ZPBP2: variants seen among roughly 807,000 people sequenced by gnomAD.
ZPBP2 encodes the protein zona pellucida binding protein 2.
Under a neutral mutation model 37.5 loss-of-function variants are expected in ZPBP2, and 34 were observed. The ratio of observed to expected loss-of-function variants is 0.91; its 90% CI spans 0.69 to 1.21. The LOEUF is 1.21. Among genes scored for constraint, ZPBP2 ranks in the 50% most tolerant of loss-of-function variants. ZPBP2 has a pLI of 0.00. For missense variants in ZPBP2, 397 were observed against 413.5 expected (o/e 0.96, Z 0.35); for synonymous variants, 143 against 138.4 (o/e 1.03, Z -0.23).
chr17:39,868,251 G>C lies in ZPBP2; in HGVS notation c.-104G>C, dbSNP rs1279312837. 1.5e-6 allele frequency: 2 copies of C among 1,338,634 alleles called. No homozygotes were observed. Among genetic ancestry groups the C allele is most frequent in the Admixed American group, 2.1e-5 (1 of 48,442 alleles). The allele number at this position is 1,338,634 out of a possible 1,614,324, so 82.9% of individuals were successfully genotyped here. A position where few individuals can be genotyped will look rare whatever the true frequency, so the allele number is the denominator to read the frequency against. ...CGGACGGGTAGGGGAGGCGACCCCG[G>C]CGTTCTGCTCCGCACTGTGGAGGAG... On this transcript the variant is annotated 5_prime_UTR_variant, in exon 1 of 8. Coordinates refer to ENST00000348931, the MANE Select transcript of ZPBP2 (RefSeq NM_199321.3).
intron 7 of ZPBP2, 149 bp downstream of exon 7, chr17:39,875,583 C>A: frequency 1.7e-5 from 11 of 638,716 alleles, no homozygotes; most frequent in South Asian, 5.6e-5. Context: ...AGTAAAAATT[C>A]AAAGCCCCAA....
chr17:39,874,378 A>G (rs1457676926), intron 6 of ZPBP2, among the ~76,000 whole-genome samples: 1 of 152,170 alleles, frequency 6.6e-6, no homozygotes, highest in African/African-American at 2.4e-5. Context: ...AATTATCTAC[A>G]TATGGGATAG....
In ZPBP2 at chr17:39,868,510, C is replaced by G. The variant is rs202236981; in HGVS notation, c.53-39C>G. 3.0e-5 allele frequency: 49 copies of G among 1,614,082 alleles called. No individual in the cohort carries two copies. In the South Asian group the frequency reaches 4.5e-4, roughly 15 times the overall value. On this transcript the variant is annotated intron_variant, in intron 1 of 7. Coordinates refer to ENST00000348931, the MANE Select transcript of ZPBP2 (RefSeq NM_199321.3). ...CCCTGCCCGACTCTGAACCCTGCTC[C>G]TCTTCTAACTAAAAGTCAGTGTTTT...
In ZPBP2 at chr17:39,876,676, C is replaced by A. The variant is rs2063392068; in HGVS notation, c.890-6C>A. The A allele has an allele frequency of 1.2e-6, 2 of 1,613,526 alleles. No homozygotes were observed. Among genetic ancestry groups the A allele is most frequent in the African/African-American group, 2.7e-5 (2 of 75,014 alleles). On this transcript the variant is annotated splice_region_variant and splice_polypyrimidine_tract_variant and intron_variant, in intron 7 of 7. Coordinates refer to ENST00000348931, the MANE Select transcript of ZPBP2 (RefSeq NM_199321.3). ...TTATAATTACTCCCTGTGTTTTCCT[C>A]TGCAGTGGTTTGTAGTCCTGCGACT...
Position 39,875,240 on chromosome 17 carries a change from T to C in ZPBP2, c.709-14T>C, listed in dbSNP as rs960655230. The stretch of plus-strand genomic sequence containing the variant: ...TTAGTAATTGTACCTTTCTCTGGTA[T>C]TTTTCAACCTTAGGCAAGAGATCGA... On this transcript the variant is annotated splice_polypyrimidine_tract_variant and intron_variant, in intron 6 of 7. Coordinates refer to ENST00000348931, the MANE Select transcript of ZPBP2 (RefSeq NM_199321.3). 8 of 1,601,182 alleles carry C rather than the reference T, an allele frequency of 5.0e-6. No individual in the cohort carries two copies. Among genetic ancestry groups the C allele is most frequent in the Middle Eastern group, 1.7e-4 (1 of 6,012 alleles).
intron 2 of ZPBP2, among the ~76,000 whole-genome samples, chr17:39,869,238 T>C (rs2063350257): frequency 6.6e-6 from 1 of 152,158 alleles, no homozygotes; most frequent in South Asian, 2.1e-4. Flanking sequence ...AAGCATACCA[T>C]CGTTCTGTCC....
chr17:39,869,707 CTTTTTTTTT>C (rs59544817), intron 2 of ZPBP2, among the ~76,000 whole-genome samples: 2 of 93,010 alleles, frequency 2.2e-5, no homozygotes, highest in South Asian at 7.9e-4. Flanking sequence ...ACCAGCCAAT[CTTTTTTTTT>C]TTTTTTTTTT....
At position 39,873,132 on chromosome 17, in the gene ZPBP2, A is replaced by C. The variant is rs2063373173; in HGVS notation, c.708+6A>C. The C allele has an allele frequency of 6.2e-7, 1 of 1,602,702 alleles. No individual in the cohort carries two copies. Among genetic ancestry groups the C allele is most frequent in the African/African-American group, 1.4e-5 (1 of 74,054 alleles). The stretch of plus-strand genomic sequence containing the variant: ...CTAATCATAATATCCTCCAGGTGAG[A>C]ATTTCATGGTAAGGAAGAAGTATTT... On this transcript the variant is annotated splice_donor_region_variant and intron_variant, in intron 6 of 7. Transcript: ENST00000348931.
intron 6 of ZPBP2, among the ~76,000 whole-genome samples, chr17:39,874,633 A>G (rs1382188551): frequency 1.3e-5 from 2 of 151,824 alleles, no homozygotes; most frequent in African/African-American, 4.8e-5. Flanking sequence ...AGGTTTCACC[A>G]TGTTGGCCAG....
chr17:39,868,456 C>T (rs781411170), intron 1 of ZPBP2, 50 bp downstream of exon 1: 2 of 1,612,234 alleles, frequency 1.2e-6, no homozygotes, highest in Non-Finnish European at 1.7e-6. Flanking sequence ...GCCCGAGCTT[C>T]CCGGTCCTGC....
chr17:39,869,019 T>C (rs1568089528), intron 2 of ZPBP2, among the ~76,000 whole-genome samples: 3 of 152,156 alleles, frequency 2.0e-5, no homozygotes, highest in African/African-American at 7.2e-5. Context: ...CAAATGTCCT[T>C]TATCTCTGCA....
At chr17:39,870,647 T>A in intron 2 of ZPBP2, 47 bp from the exon 3 acceptor site, 1 of 1,151,816 alleles carries the variant, frequency 8.7e-7, no homozygotes, top group Non-Finnish European at 1.2e-6. Flanking sequence ...TTTCTTAATT[T>A]AATTTTGCTA....
intron 7 of ZPBP2, among the ~76,000 whole-genome samples, chr17:39,875,883 CTTTTTTTTTTTTTTTTT>C (rs34192567): frequency 6.3e-5 from 4 of 63,770 alleles, no homozygotes; most frequent in Admixed American, 1.9e-4. Flanking sequence ...TGCTTGGCCC[CTTTTTTTTTTTTTTTTT>C]TTTTTTTTTT....
chr17:39,869,942 T>C (rs2063355660), intron 2 of ZPBP2, among the ~76,000 whole-genome samples: 1 of 149,754 alleles, frequency 6.7e-6, no homozygotes, highest in South Asian at 2.1e-4. Context: ...ATTGAACTCC[T>C]GAGCTAGGTG....
At chr17:39,870,966 G>A in intron 3 of ZPBP2, 147 bp downstream of exon 3, 1 of 726,294 alleles carries the variant, frequency 1.4e-6, no homozygotes, top group Non-Finnish European at 2.0e-6. Flanking sequence ...TTATATTTTG[G>A]CCACTTCCTT....
chr17:39,874,855 A>G (rs1356680832), intron 6 of ZPBP2, among the ~76,000 whole-genome samples: 1 of 152,204 alleles, frequency 6.6e-6, no homozygotes, highest in Non-Finnish European at 1.5e-5. Context: ...GGTTCAAGCA[A>G]TTCTCCTGCC....
chr17:39,871,599 A>G lies in ZPBP2; in HGVS notation c.380A>G (p.Lys127Arg), dbSNP rs750464923. 3 of 1,590,022 alleles carry G rather than the reference A, an allele frequency of 1.9e-6. No individual in the cohort carries two copies. Among genetic ancestry groups the G allele is most frequent in the South Asian group, 2.3e-5 (2 of 85,442 alleles). Residue 127 changes from lysine (K) to arginine (R), a missense_variant, in exon 4 of 8, where the codon AAA becomes AGA. Lys to Arg is a conservative substitution (Grantham distance 26, BLOSUM62 2). Transcript: ENST00000348931. ...KAETQEEKTV[K>R]KRYDFMVFAY... is the part of the protein sequence containing the mutation. Reference sequence around the variant, plus strand: ...GAAACTCAAGAAGAAAAAACAGTCAAAAAGAGATATGACTTTATGGTCTTT... The same window carrying G: ...GAAACTCAAGAAGAAAAAACAGTCAGAAAGAGATATGACTTTATGGTCTTT...
chr17:39,875,239 A>G lies in ZPBP2; in HGVS notation c.709-15A>G, dbSNP rs770748955. On this transcript the variant is annotated splice_polypyrimidine_tract_variant and intron_variant, in intron 6 of 7. Coordinates refer to ENST00000348931, the MANE Select transcript of ZPBP2 (RefSeq NM_199321.3). ...TTTAGTAATTGTACCTTTCTCTGGT[A>G]TTTTTCAACCTTAGGCAAGAGATCG... The G allele has an allele frequency of 1.0e-5, 16 of 1,601,206 alleles. No homozygotes were observed. The highest frequency in any genetic ancestry group is 1.4e-5 in the Non-Finnish European group (16 of 1,174,830).
intron 3 of ZPBP2, 42 bp from the exon 4 acceptor site, chr17:39,871,422 G>C: frequency 7.2e-7 from 1 of 1,390,992 alleles, no homozygotes; most frequent in Non-Finnish European, 9.7e-7. Flanking sequence ...AATAATGCTT[G>C]ATATGTTATA....
Sources: allele counts gnomAD v4.1 joint callset (sites outside exome capture counted in the v4.1 genomes callset), GRCh38; gene constraint gnomAD v4.1.1; transcripts MANE v1.5; gene names NCBI Gene and HGNC (gene_info 2026-07-23, HGNC 2026-07-21).